The following EYS variants were observed in gnomAD, a reference collection of about 807,000 sequenced individuals.
The protein encoded by EYS is EGF-like photoreceptor maintenance factor.
EYS carries 250 observed loss-of-function variants against 282.1 expected under a neutral mutation model. The ratio of observed to expected loss-of-function variants is 0.89; its 90% CI spans 0.80 to 0.98. The LOEUF is 0.98. Among genes scored for constraint, EYS ranks in the 50% least tolerant of loss-of-function variants. The pLI, the probability that EYS is intolerant of heterozygous loss-of-function variation, is 0.00. For synonymous variants in EYS, 1,355 were observed against 1,282.9 expected (o/e 1.06, Z -1.20); for missense variants, 4,016 against 3,709.0 (o/e 1.08, Z -2.15).
In EYS at chr6:64,591,780, G is replaced by T; in HGVS notation, c.4087C>A (p.Gln1363Lys). 1 of 1,551,256 alleles carries T rather than the reference G, an allele frequency of 6.4e-7. No individual in the cohort carries two copies. Among genetic ancestry groups the T allele is most frequent in the Non-Finnish European group, 8.7e-7 (1 of 1,146,712 alleles). The change falls in exon 26 of 43, where the codon CAG becomes AAG. Residue 1363 changes from glutamine (Q) to lysine (K), a missense_variant. Physicochemically the swap from Gln to Lys is moderately conservative, Grantham distance 53. Coordinates refer to ENST00000503581, the MANE Select transcript of EYS (RefSeq NM_001142800.2). The stretch of plus-strand genomic sequence containing the variant: ...ATATGTGATACCGATGTTTTGTCCT[G>T]GACAATTTGTGCTGGGTCACGAATA... ...FGIRDPAQIVQDKTSVSHMPI... is the reference protein window; with the variant it reads ...FGIRDPAQIVKDKTSVSHMPI...
chr6:64,484,269 T>C (rs1582809400), intron 26 of EYS, among the ~76,000 whole-genome samples: 1 of 151,506 alleles, frequency 6.6e-6, no homozygotes, highest in African/African-American at 2.4e-5. Context: ...ATACTGGCTG[T>C]GTACAAGCCT....
intron 5 of EYS, among the ~76,000 whole-genome samples, chr6:65,429,592 C>T (rs1043167599): frequency 6.6e-6 from 1 of 152,018 alleles, no homozygotes; most frequent in Non-Finnish European, 1.5e-5. Flanking sequence ...GGTTCCAAAC[C>T]CAATTTGCTA....
chr6:64,547,631 G>A (rs140311403), intron 26 of EYS, among the ~76,000 whole-genome samples: 6,168 of 152,298 alleles, frequency 0.04, 262 homozygotes, highest in East Asian at 0.11. Flanking sequence ...TCTCCAAGTT[G>A]CCACCAAACT....
chr6:64,752,070 C>A (rs903144152), intron 22 of EYS, among the ~76,000 whole-genome samples: 1 of 151,888 alleles, frequency 6.6e-6, no homozygotes, highest in African/African-American at 2.4e-5. Context: ...ATGAAAACAA[C>A]CAACCAAACA....
chr6:64,984,664 T>A (rs1583359848), intron 14 of EYS, among the ~76,000 whole-genome samples: 1 of 151,434 alleles, frequency 6.6e-6, no homozygotes, highest in African/African-American at 2.4e-5. Context: ...TTTTAAATTG[T>A]AAATTTATTT....
chr6:64,675,436 T>C (rs984380082), intron 22 of EYS, among the ~76,000 whole-genome samples: 2 of 143,278 alleles, frequency 1.4e-5, no homozygotes, highest in Non-Finnish European at 3.0e-5. Flanking sequence ...TTCTTTTTTT[T>C]TTTTTTTTTG....
chr6:64,833,466 C>T (rs1336703028), intron 19 of EYS, among the ~76,000 whole-genome samples: 2 of 151,848 alleles, frequency 1.3e-5, no homozygotes, highest in African/African-American at 4.8e-5. Context: ...GCTCACCCTT[C>T]TTAGCAGCCC....
intron 30 of EYS, among the ~76,000 whole-genome samples, chr6:64,293,943 A>G (rs888946565): frequency 1.3e-5 from 2 of 152,170 alleles, no homozygotes; most frequent in African/African-American, 4.8e-5. Context: ...TGAGAAATCA[A>G]TCTTTCATAT....
intron 33 of EYS, among the ~76,000 whole-genome samples, chr6:64,016,220 A>G (rs1047411640): frequency 6.6e-6 from 1 of 152,120 alleles, no homozygotes; most frequent in African/African-American, 2.4e-5. Flanking sequence ...AATACTGTAT[A>G]ATGGAATTAT....
At position 65,687,832 on chromosome 6, in the gene EYS, A is replaced by G. The variant is rs1460330060; in HGVS notation, c.-448+19303T>C. 2.6e-5 allele frequency among the ~76,000 whole-genome samples: 4 copies of G among 152,296 alleles called. No homozygotes were observed. The East Asian group carries it at 7.7e-4, about 29-fold the overall frequency. ...AATCATGAGTGAACTCCCATTCACA[A>G]TTGCTTCAAAGAGAATAAAATACCT... On this transcript the variant is annotated intron_variant, in intron 1 of 42. Coordinates refer to ENST00000503581, the MANE Select transcript of EYS (RefSeq NM_001142800.2).
intron 2 of EYS, among the ~76,000 whole-genome samples, chr6:65,573,099 G>C (rs1047832194): frequency 2.6e-5 from 4 of 152,066 alleles, no homozygotes; most frequent in Non-Finnish European, 4.4e-5. Context: ...AATTCACCTT[G>C]GGAGTGATGT....
At chr6:64,520,242 G>C (rs527749534) in intron 26 of EYS, among the ~76,000 whole-genome samples, 2 of 151,800 alleles carry the variant, frequency 1.3e-5, no homozygotes, top group South Asian at 2.1e-4. Context: ...ATGGAGGAGG[G>C]AATGTTCCTT....
At chr6:65,388,038 T>C (rs62407665) in intron 7 of EYS, among the ~76,000 whole-genome samples, 3,772 of 152,120 alleles carry the variant, frequency 0.025, 70 homozygotes, top group Middle Eastern at 0.082. Flanking sequence ...GCTTACATAC[T>C]GTGACTTGTG....
At chr6:65,182,827 C>A (rs893551206) in intron 12 of EYS, among the ~76,000 whole-genome samples, 4 of 151,952 alleles carry the variant, frequency 2.6e-5, no homozygotes, top group African/African-American at 7.2e-5. Flanking sequence ...CTCACTCTAT[C>A]ACCCAGGCTG....
In EYS at chr6:63,988,554, C is replaced by T. The variant is rs140859112; in HGVS notation, c.6835-3951G>A. Among the ~76,000 whole-genome samples, 6 of 151,706 alleles carry T rather than the reference C, an allele frequency of 4.0e-5. No individual in the cohort carries two copies. In the East Asian group the frequency reaches 7.8e-4, roughly 20 times the overall value. Reference sequence around the variant, plus strand: ...GCACACAGATTACCATTAAAATGGTCGACTTCCATTCCCAGACTTTCAATT... The same window carrying T: ...GCACACAGATTACCATTAAAATGGTTGACTTCCATTCCCAGACTTTCAATT... On this transcript the variant is annotated intron_variant, in intron 34 of 42. Transcript: ENST00000503581.
At chr6:64,344,899 C>T (rs1272891787) in intron 29 of EYS, among the ~76,000 whole-genome samples, 2 of 152,062 alleles carry the variant, frequency 1.3e-5, no homozygotes, top group African/African-American at 2.4e-5. Flanking sequence ...CTCCTATACA[C>T]CAATAACAGA....
chr6:64,527,948 T>C (rs764395397), intron 26 of EYS, among the ~76,000 whole-genome samples: 12 of 151,810 alleles, frequency 7.9e-5, no homozygotes, highest in Non-Finnish European at 1.5e-4. Flanking sequence ...AATTGAGAAT[T>C]ATTTCATTTG....
intron 12 of EYS, among the ~76,000 whole-genome samples, chr6:65,280,733 C>T (rs1768193167): frequency 6.6e-6 from 1 of 151,582 alleles, no homozygotes; most frequent in Admixed American, 6.6e-5. Flanking sequence ...AATAATAACA[C>T]CTGGCTGGGC....
chr6:65,576,419 G>A (rs1764670220), intron 2 of EYS, among the ~76,000 whole-genome samples: 1 of 151,712 alleles, frequency 6.6e-6, no homozygotes, highest in Non-Finnish European at 1.5e-5. Context: ...AATATGGAAA[G>A]AATGTACCTC....
Sources: allele counts gnomAD v4.1 joint callset (sites outside exome capture counted in the v4.1 genomes callset), GRCh38; gene constraint gnomAD v4.1.1; transcripts MANE v1.5; gene names NCBI Gene and HGNC (gene_info 2026-07-23, HGNC 2026-07-21).